RGS6: variants seen among roughly 807,000 people sequenced by gnomAD.
RGS6 encodes the protein regulator of G-protein signaling 6.
A neutral mutation model predicts 78.5 loss-of-function variants in RGS6; 30 were observed. That is an observed-to-expected ratio of 0.38 (90% CI 0.29 to 0.52). The LOEUF (loss-of-function observed/expected upper bound fraction) is 0.52. Ranked by LOEUF, RGS6 falls within the 20% of genes least tolerant of loss-of-function variation. RGS6 has a pLI of 0.85. For synonymous variants in RGS6, 206 were observed against 206.0 expected (o/e 1.00, Z 0.00); for missense variants, 495 against 609.7 (o/e 0.81, Z 1.98).
chr14:72,072,618 T>C (rs1189512191), intron 2 of RGS6, among the ~76,000 whole-genome samples: 2 of 152,102 alleles, frequency 1.3e-5, no homozygotes, highest in African/African-American at 4.8e-5. Context: ...TGTTTGTGTT[T>C]TATATTAGGA....
the RGS6 span, among the ~76,000 whole-genome samples, chr14:72,577,134 T>A: frequency 6.6e-6 from 1 of 152,230 alleles, no homozygotes; most frequent in Non-Finnish European, 1.5e-5. Flanking sequence ...GGTATATTAT[T>A]TGCCAACAAC....
intron 17 of RGS6, among the ~76,000 whole-genome samples, chr14:72,560,155 G>T (rs2097651285): frequency 6.6e-6 from 1 of 152,108 alleles, no homozygotes; most frequent in East Asian, 1.9e-4. Flanking sequence ...AAACGCTGTG[G>T]ATAGCAAACT....
At chr14:72,163,551 A>G (rs1052943076) in intron 2 of RGS6, among the ~76,000 whole-genome samples, 1 of 152,254 alleles carries the variant, frequency 6.6e-6, no homozygotes, top group Non-Finnish European at 1.5e-5. Flanking sequence ...AACATGGGGG[A>G]AAACCCAGAC....
intron 2 of RGS6, among the ~76,000 whole-genome samples, chr14:72,163,245 C>T (rs1044614247): frequency 1.8e-4 from 27 of 152,272 alleles, no homozygotes; most frequent in African/African-American, 6.3e-4. Context: ...CTTTATAAGA[C>T]TACTGTACCT....
intron 2 of RGS6, among the ~76,000 whole-genome samples, chr14:72,074,184 A>C (rs548608286): frequency 1.3e-5 from 2 of 152,314 alleles, no homozygotes; most frequent in East Asian, 3.9e-4. Context: ...ATGGTAGTAC[A>C]AGAGTCAGCA....
chr14:72,466,559 G>C (rs1175946816), intron 7 of RGS6, among the ~76,000 whole-genome samples: 2 of 152,276 alleles, frequency 1.3e-5, no homozygotes, highest in African/African-American at 4.8e-5. Flanking sequence ...GCAGTAAAAA[G>C]GAATGAACTG....
chr14:71,905,726 GGAGTCTGCCT>G, the RGS6 span, among the ~76,000 whole-genome samples: 1 of 152,180 alleles, frequency 6.6e-6, no homozygotes, highest in Non-Finnish European at 1.5e-5. Flanking sequence ...CTGAGCTCAG[GGAGTCTGCCT>G]GCCTTGGCCT....
the RGS6 span, among the ~76,000 whole-genome samples, chr14:71,890,370 G>C: frequency 1.3e-5 from 2 of 151,384 alleles, no homozygotes; most frequent in East Asian, 1.9e-4. Flanking sequence ...GAGAGAGAGA[G>C]AGAGAGAGAG....
chr14:72,252,213 G>A (rs756553122), intron 2 of RGS6, among the ~76,000 whole-genome samples: 3 of 151,462 alleles, frequency 2.0e-5, no homozygotes, highest in East Asian at 1.9e-4. Flanking sequence ...GCGTATGCCC[G>A]CCATTCTTTG....
At chr14:72,502,266 G>A (rs2096736640) in intron 13 of RGS6, among the ~76,000 whole-genome samples, 2 of 152,180 alleles carry the variant, frequency 1.3e-5, no homozygotes, top group Non-Finnish European at 2.9e-5. Context: ...TCAGCAACTA[G>A]CATCAGCTGT....
chr14:72,114,446 G>A (rs545980694), intron 2 of RGS6, among the ~76,000 whole-genome samples: 58 of 152,252 alleles, frequency 3.8e-4, no homozygotes, highest in African/African-American at 1.1e-3. Flanking sequence ...CTGACCCTAG[G>A]CTGGCTAATT....
At chr14:72,118,880 CTATGAAT>C (rs2095976389) in intron 2 of RGS6, among the ~76,000 whole-genome samples, 1 of 152,184 alleles carries the variant, frequency 6.6e-6, no homozygotes, top group South Asian at 2.1e-4. Flanking sequence ...TCTGAGAGAA[CTATGAAT>C]TATCCAGAAT....
Position 72,044,229 on chromosome 14 carries a change from T to C in RGS6, c.84+79354T>C, listed in dbSNP as rs532305897. Among the ~76,000 whole-genome samples, 6 of 152,342 alleles carry C rather than the reference T, an allele frequency of 3.9e-5. No homozygotes were observed. In the South Asian group the frequency reaches 1.2e-3, roughly 32 times the overall value. On this transcript the variant is annotated intron_variant, in intron 2 of 17. Transcript: ENST00000553525. ...TATTGTCTGCTTTTCCCATCAGTGT[T>C]CTTAACATACTGTGATAGTTAATTT...
intron 3 of RGS6, among the ~76,000 whole-genome samples, chr14:72,394,467 A>G (rs977235861): frequency 3.3e-5 from 5 of 152,194 alleles, no homozygotes; most frequent in African/African-American, 4.8e-5. Flanking sequence ...CAACCGTAAA[A>G]GACAGACATT....
chr14:72,516,230 C>T (rs1242091150), intron 14 of RGS6, among the ~76,000 whole-genome samples: 2 of 152,230 alleles, frequency 1.3e-5, no homozygotes, highest in Admixed American at 6.5e-5. Flanking sequence ...CTCTCACCAG[C>T]AGATGGCCAT....
intron 3 of RGS6, among the ~76,000 whole-genome samples, chr14:72,389,379 A>G (rs1464329235): frequency 1.3e-5 from 2 of 152,164 alleles, no homozygotes; most frequent in African/African-American, 2.4e-5. Context: ...CTGAGAGTCA[A>G]ATGCCAGGAC....
intron 3 of RGS6, among the ~76,000 whole-genome samples, chr14:72,364,569 T>C (rs2082114751): frequency 6.6e-6 from 1 of 152,222 alleles, no homozygotes; most frequent in African/African-American, 2.4e-5. Flanking sequence ...CAGCAACAGC[T>C]GGGGGAATAA....
chr14:72,035,977 G>A (rs1045783648), intron 2 of RGS6, among the ~76,000 whole-genome samples: 7 of 151,718 alleles, frequency 4.6e-5, no homozygotes, highest in African/African-American at 9.7e-5. Flanking sequence ...AAACAGTTCC[G>A]TCACCCCAGA....
At chr14:71,925,216 TA>T in the RGS6 span, among the ~76,000 whole-genome samples, 702 of 152,330 alleles carry the variant, frequency 4.6e-3, 6 homozygotes, top group African/African-American at 0.016. Context: ...TTACGTCTTT[TA>T]AAAAAATGTC....
Sources: allele counts gnomAD v4.1 joint callset (sites outside exome capture counted in the v4.1 genomes callset), GRCh38; gene constraint gnomAD v4.1.1; transcripts MANE v1.5; gene names NCBI Gene and HGNC (gene_info 2026-07-23, HGNC 2026-07-21).